TMCC1: variants seen among roughly 807,000 people sequenced by gnomAD.
The protein encoded by TMCC1 is transmembrane and coiled-coil domains protein 1.
In TMCC1, 15 loss-of-function variants were observed where a neutral mutation model predicts 52.4. The ratio of observed to expected loss-of-function variants is 0.29; its 90% confidence interval spans 0.19 to 0.44. TMCC1 has a LOEUF of 0.44. Among genes scored for constraint, TMCC1 ranks in the 20% least tolerant of loss-of-function variants. The pLI is 1.00. For missense variants in TMCC1, 503 were observed against 806.0 expected, an observed-to-expected ratio of 0.62 and a Z score of 4.55; for synonymous variants, 279 against 301.9, an observed-to-expected ratio of 0.92 and a Z score of 0.79.
intron 4 of TMCC1, among the ~76,000 whole-genome samples, chr3:129,766,428 T>C (rs769759919): frequency 6.6e-5 from 10 of 152,318 alleles, no homozygotes; most frequent in Middle Eastern, 3.4e-3. Context: ...AATACAAAGA[T>C]GACTGTGTTG....
intron 4 of TMCC1, among the ~76,000 whole-genome samples, chr3:129,717,808 T>C (rs1275533727): frequency 1.3e-5 from 2 of 152,208 alleles, no homozygotes; most frequent in African/African-American, 4.8e-5. Flanking sequence ...ACTAAAATGA[T>C]TTCCCAACTG....
In TMCC1 at chr3:129,878,194, C is replaced by G. The variant is rs183981373; in HGVS notation, c.-184+2115G>C. Among the ~76,000 whole-genome samples, 366 of 146,578 alleles carry G rather than the reference C, an allele frequency of 2.5e-3. 3 individuals are homozygous for G. Among genetic ancestry groups the G allele is most frequent in the African/African-American group, 8.5e-3 (337 of 39,678 alleles). On this transcript the variant is annotated intron_variant, in intron 2 of 6. Transcript: ENST00000393238. ...CGCCAGGCTGGTCTTGAACTCCTGA[C>G]CTCAGGTGATCTGCCCGCCTCGGCC... is the stretch of plus-strand genomic sequence containing the variant.
intron 4 of TMCC1, among the ~76,000 whole-genome samples, chr3:129,694,551 T>C (rs1288786743): frequency 6.6e-6 from 1 of 152,190 alleles, no homozygotes; most frequent in African/African-American, 2.4e-5. Flanking sequence ...CATAAAGACC[T>C]TGCTGATAAA....
intron 4 of TMCC1, among the ~76,000 whole-genome samples, chr3:129,701,132 A>C (rs1469890134): frequency 6.6e-6 from 1 of 152,234 alleles, no homozygotes; most frequent in Non-Finnish European, 1.5e-5. Flanking sequence ...CTTGATGCTG[A>C]TATCTGATGA....
intron 4 of TMCC1, chr3:129,688,623 T>C: frequency 2.0e-6 from 2 of 985,502 alleles, no homozygotes; most frequent in Non-Finnish European, 2.4e-6. Flanking sequence ...TAGAGCTTTC[T>C]ATATCTGGGA....
chr3:129,831,148 G>A (rs1178167490), intron 3 of TMCC1, among the ~76,000 whole-genome samples: 1 of 152,018 alleles, frequency 6.6e-6, no homozygotes, highest in Non-Finnish European at 1.5e-5. Flanking sequence ...TGGCCAGGCT[G>A]GTCTCAAATT....
In TMCC1 at chr3:129,723,065, T is replaced by C. The variant is rs190492265; in HGVS notation, c.577-51801A>G. 1.4e-4 allele frequency among the ~76,000 whole-genome samples: 22 copies of C among 152,290 alleles called. No individual in the cohort carries two copies. In the East Asian group the frequency reaches 2.3e-3, roughly 16 times the overall value. ...TTTAGTATTTATCTCTTAGAAAATATGTATCATTTATAAGATCAACTAAAA... is the reference window on the plus strand; with the variant it reads ...TTTAGTATTTATCTCTTAGAAAATACGTATCATTTATAAGATCAACTAAAA... On this transcript the variant is annotated intron_variant, in intron 4 of 6. Coordinates refer to ENST00000393238, the MANE Select transcript of TMCC1 (RefSeq NM_001017395.5).
chr3:129,687,973 G>A (rs1267555679), intron 4 of TMCC1, among the ~76,000 whole-genome samples: 1 of 152,192 alleles, frequency 6.6e-6, no homozygotes, highest in Non-Finnish European at 1.5e-5. Flanking sequence ...TGTCTGTTGA[G>A]AGACACATGA....
chr3:129,821,417 A>G (rs974725993), intron 4 of TMCC1, among the ~76,000 whole-genome samples: 1 of 152,244 alleles, frequency 6.6e-6, no homozygotes, highest in East Asian at 1.9e-4. Flanking sequence ...TACATACATT[A>G]GACACTCAAA....
intron 2 of TMCC1, chr3:129,848,055 C>G (rs1194355802): frequency 1.3e-5 from 2 of 152,174 alleles, no homozygotes; most frequent in African/African-American, 4.8e-5. Flanking sequence ...CTTCTAGATA[C>G]ACATCCTCTG....
At chr3:129,678,916 CAGCCAGAGTAGTTCTTTTAAAACAT>C (rs2088715145) in intron 4 of TMCC1, among the ~76,000 whole-genome samples, 1 of 152,176 alleles carries the variant, frequency 6.6e-6, no homozygotes, top group Non-Finnish European at 1.5e-5. Flanking sequence ...ATCTGCAGAG[CAGCCAGAGTAGTTCTTTTAAAACAT>C]AAGTCAGATT....
chr3:129,695,096 CAAAAAAAAAA>C (rs11291309), intron 4 of TMCC1, among the ~76,000 whole-genome samples: 12 of 35,232 alleles, frequency 3.4e-4, no homozygotes, highest in African/African-American at 1.1e-3. Flanking sequence ...GACTCTGTCT[CAAAAAAAAAA>C]AAAAAAAAAA....
At chr3:129,695,259 A>G (rs560199235) in intron 4 of TMCC1, among the ~76,000 whole-genome samples, 1 of 152,088 alleles carries the variant, frequency 6.6e-6, no homozygotes, top group Non-Finnish European at 1.5e-5. Context: ...GGTGTTGTCT[A>G]TTGGACCCTT....
At chr3:129,760,598 C>T (rs554734417) in intron 4 of TMCC1, among the ~76,000 whole-genome samples, 2 of 152,078 alleles carry the variant, frequency 1.3e-5, no homozygotes, top group East Asian at 3.9e-4. Context: ...CTGCCTCAGC[C>T]TCCTAAGTAG....
At chr3:129,778,329 A>G (rs1677943610) in intron 4 of TMCC1, among the ~76,000 whole-genome samples, 2 of 152,184 alleles carry the variant, frequency 1.3e-5, no homozygotes, top group African/African-American at 4.8e-5. Context: ...TCTTTTCAAC[A>G]CTAAGGTCAA....
chr3:129,685,420 T>C (rs1264027501), intron 4 of TMCC1, among the ~76,000 whole-genome samples: 1 of 146,070 alleles, frequency 6.8e-6, no homozygotes. Flanking sequence ...AAAAAAAAGA[T>C]GAGAAGGGGA....
In TMCC1 at chr3:129,707,747, C is replaced by T. The variant is rs1314972152; in HGVS notation, c.577-36483G>A. On this transcript the variant is annotated intron_variant, in intron 4 of 6. Coordinates refer to ENST00000393238, the MANE Select transcript of TMCC1 (RefSeq NM_001017395.5). Reference sequence around the variant, plus strand: ...AGGAGATCGAGACCATCCTGGCTAACACGGTGAAACCCCGTCTCTACTAAA... The same window carrying T: ...AGGAGATCGAGACCATCCTGGCTAATACGGTGAAACCCCGTCTCTACTAAA... Among the ~76,000 whole-genome samples the T allele has an allele frequency of 2.6e-5, 4 of 152,142 alleles. No individual in the cohort carries two copies. The East Asian group carries it at 7.7e-4, about 29-fold the overall frequency.
At chr3:129,777,089 T>C (rs1422628315) in intron 4 of TMCC1, among the ~76,000 whole-genome samples, 2 of 152,298 alleles carry the variant, frequency 1.3e-5, no homozygotes, top group Non-Finnish European at 2.9e-5. Context: ...GGCCAAACAC[T>C]ATCTAATAAC....
At chr3:129,692,790 G>T (rs2047119095) in intron 4 of TMCC1, among the ~76,000 whole-genome samples, 1 of 152,048 alleles carries the variant, frequency 6.6e-6, no homozygotes, top group Non-Finnish European at 1.5e-5. Context: ...GCATTTTTTT[G>T]TCCCAAACTA....
Sources: gnomAD v4.1 joint callset for allele counts (sites outside exome capture counted in the v4.1 genomes callset) on GRCh38, gnomAD v4.1.1 for gene constraint, MANE v1.5 for transcripts, NCBI Gene and HGNC (gene_info 2026-07-23, HGNC 2026-07-21) for gene names.